Variants in MORF4L2 observed in about 807,000 individuals in gnomAD.
MORF4L2 encodes the protein mortality factor 4-like protein 2.
In MORF4L2, 1 loss-of-function variant was observed where a neutral mutation model predicts 12.0. The observed-to-expected ratio is 0.08, with a 90% CI of 0.03 to 0.40. The LOEUF (loss-of-function observed/expected upper bound fraction) is 0.40, where lower values mean the gene tolerates loss of function less well. Among genes scored for constraint, MORF4L2 ranks in the 10% least tolerant of loss-of-function variants. The probability of loss-of-function intolerance (pLI) is 0.98; values close to 1 mark genes in which losing one functional copy is unlikely to be tolerated. For synonymous variants in MORF4L2, 69 were observed against 81.6 expected (o/e 0.85, Z 0.83); for missense variants, 123 against 214.0 (o/e 0.57, Z 2.65).
At chrX:103,681,231 T>G (rs1268947774) in intron 2 of MORF4L2, among the ~76,000 whole-genome samples, 1 of 111,664 alleles carries the variant, frequency 9.0e-6, no homozygotes, top group East Asian at 2.8e-4. Flanking sequence ...GAAAACACAT[T>G]TGTACTTATG....
At chrX:103,681,587 A>G (rs1023528980) in intron 2 of MORF4L2, among the ~76,000 whole-genome samples, 1 of 111,714 alleles carries the variant, frequency 9.0e-6, no homozygotes, top group Admixed American at 9.6e-5. Flanking sequence ...TAAGACTCTC[A>G]GAAGCGGGCT....
At chrX:103,678,184 T>C (rs1015336253) in intron 3 of MORF4L2, among the ~76,000 whole-genome samples, 1 of 109,072 alleles carries the variant, frequency 9.2e-6, no homozygotes, top group Non-Finnish European at 1.9e-5. Flanking sequence ...ACATAGCTGG[T>C]AGTGGACACT....
intron 2 of MORF4L2, among the ~76,000 whole-genome samples, chrX:103,682,537 G>A (rs775292574): frequency 4.9e-4 from 55 of 111,197 alleles, no homozygotes; most frequent in Non-Finnish European, 9.6e-4. Flanking sequence ...AAAAAGGAGA[G>A]CGACTTTTCT....
rs747139703 is a variant in MORF4L2 at position 103,676,814 on chromosome X, C to T, written c.214G>A (p.Val72Met). ...RSAENPPSGS[V>M]RKTRKNKQKT... ...TGCTTGTTCTTTCTGGTCTTCCTCA[C>T]GGATCCTGAAGGGGGGTTCTCTGCA... is the stretch of plus-strand genomic sequence containing the variant. The change falls in exon 4 of 4, where the codon GTG becomes ATG. Residue 72 changes from valine to methionine, a missense_variant. Physicochemically the swap from Val to Met is conservative, Grantham distance 21. Coordinates refer to ENST00000441076, the MANE Select transcript of MORF4L2 (RefSeq NM_012286.3). The T allele has an allele frequency of 2.4e-5, 29 of 1,202,358 alleles. No individual in the cohort carries two copies. In the Admixed American group the frequency reaches 4.3e-4, roughly 18 times the overall value.
intron 2 of MORF4L2, among the ~76,000 whole-genome samples, chrX:103,683,074 TAAC>T (rs1381297624): frequency 2.7e-5 from 3 of 109,722 alleles, no homozygotes; most frequent in African/African-American, 7.0e-5. Flanking sequence ...TTTGATTATT[TAAC>T]TTTTTTTTTT....
Position 103,676,542 on chromosome X carries a change from A to C in MORF4L2, c.486T>G (p.Tyr162Ter). The C allele has an allele frequency of 8.3e-7, 1 of 1,211,125 alleles. No homozygotes were observed. ...TTCCCTGCGATTTCTTGCAATTTGC[A>C]TACTCCTCCAGAATTGCATCTACAT... ...KKNVDAILEE[Y>*]ANCKKSQGNV... The change falls in exon 4 of 4, where the codon TAT becomes TAG. Residue 162 changes from tyrosine to a stop codon, truncating the protein, a stop_gained. Coordinates refer to ENST00000441076, the MANE Select transcript of MORF4L2 (RefSeq NM_012286.3). LOFTEE classifies it high-confidence loss of function.
intron 1 of MORF4L2, among the ~76,000 whole-genome samples, chrX:103,685,882 G>A (rs1319508575): frequency 9.0e-6 from 1 of 110,932 alleles, no homozygotes; most frequent in Non-Finnish European, 1.9e-5. Flanking sequence ...AAATATTTTC[G>A]TATGTCTCTA....
chrX:103,679,349 CAAAAAA>C (rs35036219), intron 2 of MORF4L2, among the ~76,000 whole-genome samples: 2 of 63,273 alleles, frequency 3.2e-5, no homozygotes, highest in Non-Finnish European at 2.9e-5. Flanking sequence ...ACTAAAAATA[CAAAAAA>C]AAAAAAAAAA....
chrX:103,677,036 G>A lies in MORF4L2; in HGVS notation c.-9C>T, dbSNP rs767197698. On this transcript the variant is annotated 5_prime_UTR_variant, in exon 4 of 4. Coordinates refer to ENST00000441076, the MANE Select transcript of MORF4L2 (RefSeq NM_012286.3). ...TGCTTTCTGGAACTCATTCAACCCT[G>A]TTTTTATTCCAACCACTGTAATATA... The A allele has an allele frequency of 8.6e-7, 1 of 1,161,040 alleles. No homozygotes were observed.
At position 103,678,554 on chromosome X, in the gene MORF4L2, T is replaced by G. The variant is rs1380888627; in HGVS notation, c.-80A>C. The G allele has an allele frequency of 1.8e-5, 2 of 111,997 alleles. No homozygotes were observed. Among genetic ancestry groups the G allele is most frequent in the East Asian group, 5.5e-4 (2 of 3,609 alleles). 9.2% of individuals were successfully genotyped at this position (111,997 alleles called of 1,213,427 possible). On this transcript the variant is annotated 5_prime_UTR_variant, in exon 3 of 4. Transcript: ENST00000441076. Reference sequence around the variant, plus strand: ...CCTAGTGATTTCCCAGATGAAATCTTATAGATCTTCTGGGATGGTCTAGAA... The same window carrying G: ...CCTAGTGATTTCCCAGATGAAATCTGATAGATCTTCTGGGATGGTCTAGAA...
intron 2 of MORF4L2, among the ~76,000 whole-genome samples, chrX:103,680,318 A>G (rs1489991260): frequency 4.4e-5 from 5 of 112,960 alleles, no homozygotes; most frequent in Admixed American, 2.8e-4. Flanking sequence ...CCTCTAACTG[A>G]AAAAGCACAA....
At chrX:103,685,012 C>T (rs2074065607) in intron 2 of MORF4L2, 159 bp downstream of exon 2, 1 of 112,655 alleles carries the variant, frequency 8.9e-6, no homozygotes, top group African/African-American at 3.2e-5. Flanking sequence ...ACTTTCTATA[C>T]TGGAACTATC....
rs868135991 is a variant in MORF4L2 at position 103,676,840 on chromosome X, G to A, written c.188C>T (p.Ser63Phe). 8.3e-7 allele frequency: 1 copy of A among 1,207,185 alleles called. No individual in the cohort carries two copies. The highest frequency in any genetic ancestry group is 1.1e-6 in the Non-Finnish European group (1 of 894,408). Residue 63 changes from serine (S) to phenylalanine (F), a missense_variant, in exon 4 of 4, where the codon TCT (serine) becomes TTT (phenylalanine). By Grantham distance (155) the Ser-to-Phe change is radical. Coordinates refer to ENST00000441076, the MANE Select transcript of MORF4L2 (RefSeq NM_012286.3). ...PALPGRWGGR[S>F]AENPPSGSVR... is the part of the protein sequence containing the mutation. ...GGATCCTGAAGGGGGGTTCTCTGCA[G>A]AGCGACCACCCCATCTTCCTGGGAG...
rs541448841 is a variant in MORF4L2 at position 103,682,174 on chromosome X, A to G, written c.-178+2997T>C. The stretch of plus-strand genomic sequence containing the variant: ...CTTGCTTTGCTCACTTCTCATAGGC[A>G]TCTTTCCATGTCAGTACATACCTAC... On this transcript the variant is annotated intron_variant, in intron 2 of 3. Coordinates refer to ENST00000441076, the MANE Select transcript of MORF4L2 (RefSeq NM_012286.3). 6.3e-4 allele frequency among the ~76,000 whole-genome samples: 71 copies of G among 111,969 alleles called. 1 individual carries two copies. In the Middle Eastern group the frequency reaches 0.023, roughly 37 times the overall value.
rs1422134057 is a variant in MORF4L2, at chrX:103,683,087, T to C, written c.-178+2084A>G. ...TTTTTGATTATTTAACTTTTTTTTT[T>C]TTTCTTTTTTTGAGACGGAGTCTCG... is the stretch of plus-strand genomic sequence containing the variant. On this transcript the variant is annotated intron_variant, in intron 2 of 3. Transcript: ENST00000441076. Among the ~76,000 whole-genome samples the C allele has an allele frequency of 4.5e-5, 5 of 111,686 alleles. No homozygotes were observed. The East Asian group carries it at 1.4e-3, about 31-fold the overall frequency.
At chrX:103,685,079 A>G (rs1300054882) in intron 2 of MORF4L2, 92 bp downstream of exon 2, 1 of 112,064 alleles carries the variant, frequency 8.9e-6, no homozygotes, top group Non-Finnish European at 1.9e-5. Flanking sequence ...CCCAGATAGG[A>G]GCTTATTAAT....
chrX:103,687,876 T>C (rs776917282), upstream of MORF4L2: 11 of 110,190 alleles, frequency 1.0e-4, no homozygotes, highest in Non-Finnish European at 1.9e-4. Flanking sequence ...CCCTTCAAGG[T>C]TGCGTGCAGT....
chrX:103,684,058 C>G (rs2074046138), intron 2 of MORF4L2, among the ~76,000 whole-genome samples: 1 of 112,256 alleles, frequency 8.9e-6, no homozygotes, highest in South Asian at 3.6e-4. Flanking sequence ...TGTCAAAAGG[C>G]TGAAAAACCT....
chrX:103,677,753 G>A (rs2073880380), intron 3 of MORF4L2, among the ~76,000 whole-genome samples: 1 of 112,104 alleles, frequency 8.9e-6, no homozygotes. Context: ...AGTTGCTAGA[G>A]ATCCAAATAT....
Sources: gnomAD v4.1 joint callset for allele counts (sites outside exome capture counted in the v4.1 genomes callset) on GRCh38, gnomAD v4.1.1 for gene constraint, MANE v1.5 for transcripts, NCBI Gene and HGNC (gene_info 2026-07-23, HGNC 2026-07-21) for gene names.